Variants in PLEKHB2 observed in about 807,000 individuals in gnomAD.
PLEKHB2 encodes pleckstrin homology domain-containing family B member 2.
Under a neutral mutation model 36.5 loss-of-function variants are expected in PLEKHB2, and 31 were observed. That is an observed-to-expected ratio of 0.85 (90% confidence interval 0.64 to 1.15). The LOEUF is 1.15. Ranked by LOEUF, PLEKHB2 falls within the 50% of genes most tolerant of loss-of-function variation. PLEKHB2 has a pLI of 0.00. For missense variants in PLEKHB2, 262 were observed against 295.3 expected (o/e 0.89, Z 0.83); for synonymous variants, 119 against 112.0 (o/e 1.06, Z -0.39).
chr2:131,108,963 G>C (rs1361388372), intron 1 of PLEKHB2, among the ~76,000 whole-genome samples: 1 of 152,140 alleles, frequency 6.6e-6, no homozygotes, highest in East Asian at 1.9e-4. Flanking sequence ...TGACTTGTCC[G>C]ATTGAGTCAG....
rs1475635413 is a variant in PLEKHB2, at chr2:131,119,958, TTTC to T, written c.-8-964_-8-962del. Among the ~76,000 whole-genome samples, 124 of 151,950 alleles carry T rather than the reference TTTC, an allele frequency of 8.2e-4. 1 individual carries two copies. The highest frequency in any genetic ancestry group is 2.9e-3 in the East Asian group (15 of 5,188). On this transcript the variant is annotated intron_variant, in intron 1 of 7. Coordinates refer to ENST00000693505, the MANE Select transcript of PLEKHB2 (RefSeq NM_001100623.2). ...CCTTGCTGCCATATGGTTATGAATA[TTTC>T]TTCTTCTTCTTTTTTTTTTTTTTTT...
Position 131,148,107 on chromosome 2 carries a change from CTG to C in PLEKHB2, c.*1336_*1337del, listed in dbSNP as rs1699433289. On this transcript the variant is annotated 3_prime_UTR_variant, in exon 8 of 8. Coordinates refer to ENST00000693505, the MANE Select transcript of PLEKHB2 (RefSeq NM_001100623.2). ...GCTGTTCACTGAGCACCAGGGCAGA[CTG>C]TAGCTGAGCAGACTTGGGTTATGGA... 6.6e-6 allele frequency: 1 copy of C among 152,530 alleles called. No individual in the cohort carries two copies. The highest frequency in any genetic ancestry group is 2.4e-5 in the African/African-American group (1 of 41,450). 9.4% of individuals were successfully genotyped at this position (152,530 alleles called of 1,614,324 possible). A position where few individuals can be genotyped will look rare whatever the true frequency, so the allele number is the denominator to read the frequency against.
rs538287059 is a variant in PLEKHB2 at position 131,131,633 on chromosome 2, G to A, written c.333+873G>A. On this transcript the variant is annotated intron_variant, in intron 5 of 7. Transcript: ENST00000693505. ...AGCTTACAGAAGAATGTGTGCATGT[G>A]GGAGAAGAAAGTAAAAGGCTTAATA... Among the ~76,000 whole-genome samples, 28 of 152,222 alleles carry A rather than the reference G, an allele frequency of 1.8e-4. 2 individuals carry two copies. In the South Asian group the frequency reaches 5.8e-3, roughly 32 times the overall value.
At chr2:131,143,201 C>G (rs1189123104) in intron 7 of PLEKHB2, among the ~76,000 whole-genome samples, 1 of 152,184 alleles carries the variant, frequency 6.6e-6, no homozygotes, top group East Asian at 1.9e-4. Flanking sequence ...TGCATTTTGA[C>G]TATGATGTTT....
chr2:131,109,193 A>G (rs1326059924), intron 1 of PLEKHB2, among the ~76,000 whole-genome samples: 1 of 152,170 alleles, frequency 6.6e-6, no homozygotes, highest in African/African-American at 2.4e-5. Flanking sequence ...AATGTGATCA[A>G]AATCATACTT....
intron 1 of PLEKHB2, among the ~76,000 whole-genome samples, chr2:131,106,974 T>G (rs1039191734): frequency 6.6e-6 from 1 of 152,228 alleles, no homozygotes; most frequent in Non-Finnish European, 1.5e-5. Context: ...AGGACTGAGT[T>G]GATTAAATGT....
At chr2:131,146,435 AG>A (rs1485805506) in intron 7 of PLEKHB2, among the ~76,000 whole-genome samples, 1 of 152,144 alleles carries the variant, frequency 6.6e-6, no homozygotes, top group Non-Finnish European at 1.5e-5. Context: ...TTTGGCCCTT[AG>A]TGAGCTGAGG....
chr2:131,134,445 T>A (rs1698034178), intron 6 of PLEKHB2, among the ~76,000 whole-genome samples: 1 of 152,236 alleles, frequency 6.6e-6, no homozygotes, highest in South Asian at 2.1e-4. Context: ...CATTATTTTC[T>A]GAAAGTTTTA....
chr2:131,111,979 T>C (rs1695381801), intron 1 of PLEKHB2, among the ~76,000 whole-genome samples: 1 of 152,210 alleles, frequency 6.6e-6, no homozygotes, highest in Non-Finnish European at 1.5e-5. Flanking sequence ...ACAACTCCTA[T>C]TTAATACAAT....
At chr2:131,117,170 G>C (rs539492183) in intron 1 of PLEKHB2, among the ~76,000 whole-genome samples, 3 of 152,180 alleles carry the variant, frequency 2.0e-5, no homozygotes, top group African/African-American at 7.2e-5. Context: ...CCATTAGAAG[G>C]CTGGGCATGG....
At chr2:131,119,026 A>C (rs1372690984) in intron 1 of PLEKHB2, 1 of 151,746 alleles carries the variant, frequency 6.6e-6, no homozygotes, top group Non-Finnish European at 1.5e-5. Context: ...AGGCCGAGGC[A>C]GGTGGGTCAC....
intron 1 of PLEKHB2, among the ~76,000 whole-genome samples, chr2:131,117,191 C>A (rs1695971742): frequency 6.6e-6 from 1 of 152,160 alleles, no homozygotes; most frequent in African/African-American, 2.4e-5. Context: ...TGGCTCACAC[C>A]TGTAATCCCA....
chr2:131,130,121 A>G (rs1170982279), intron 4 of PLEKHB2, among the ~76,000 whole-genome samples: 1 of 151,564 alleles, frequency 6.6e-6, no homozygotes, highest in Non-Finnish European at 1.5e-5. Flanking sequence ...TTGGCTCACT[A>G]CAGCCTCGAC....
chr2:131,117,371 G>T (rs940590407), intron 1 of PLEKHB2, among the ~76,000 whole-genome samples: 3 of 152,162 alleles, frequency 2.0e-5, no homozygotes, highest in Admixed American at 6.6e-5. Flanking sequence ...AGGCTGCAGC[G>T]AGCGGAGATC....
intron 1 of PLEKHB2, among the ~76,000 whole-genome samples, chr2:131,112,348 T>G (rs1695420911): frequency 6.6e-6 from 1 of 152,240 alleles, no homozygotes; most frequent in African/African-American, 2.4e-5. Flanking sequence ...TCTTCATCTG[T>G]GTCCTTTGTA....
chr2:131,110,363 T>G (rs1246681534), intron 1 of PLEKHB2, among the ~76,000 whole-genome samples: 1 of 151,324 alleles, frequency 6.6e-6, no homozygotes, highest in Non-Finnish European at 1.5e-5. Flanking sequence ...ACAGCTGCCT[T>G]TCTGGGAATT....
chr2:131,146,779 T>C lies in PLEKHB2; in HGVS notation c.*6T>C. 6.3e-7 allele frequency: 1 copy of C among 1,596,610 alleles called. No individual in the cohort carries two copies. Among genetic ancestry groups the C allele is most frequent in the Non-Finnish European group, 8.5e-7 (1 of 1,171,308 alleles). On this transcript the variant is annotated 3_prime_UTR_variant, in exon 8 of 8. Coordinates refer to ENST00000693505, the MANE Select transcript of PLEKHB2 (RefSeq NM_001100623.2). ...CTCTATTTTGGGTCTTCTAGGGGCC[T>C]CAAGGTCTTGATGTGCATAGCTTCT... is the stretch of plus-strand genomic sequence containing the variant.
intron 7 of PLEKHB2, among the ~76,000 whole-genome samples, chr2:131,142,095 A>C (rs868271926): frequency 3.3e-5 from 5 of 152,212 alleles, no homozygotes; most frequent in African/African-American, 9.6e-5. Flanking sequence ...ACTCTGGGAC[A>C]GTTTAGATAC....
chr2:131,125,384 G>A (rs138085199), intron 2 of PLEKHB2, among the ~76,000 whole-genome samples: 63 of 152,344 alleles, frequency 4.1e-4, no homozygotes, highest in African/African-American at 1.4e-3. Context: ...AGCACCAGTT[G>A]GCGGGCCCTG....
Sources: allele counts gnomAD v4.1 joint callset (sites outside exome capture counted in the v4.1 genomes callset), GRCh38; gene constraint gnomAD v4.1.1; transcripts MANE v1.5; gene names NCBI Gene and HGNC (gene_info 2026-07-23, HGNC 2026-07-21).